The following COL24A1 variants were observed in gnomAD, a reference collection of about 807,000 sequenced individuals.
COL24A1 encodes collagen type XXIV alpha 1 chain.
A neutral mutation model predicts 253.9 loss-of-function variants in COL24A1; 224 were observed. The observed-to-expected ratio is 0.88, with a 90% confidence interval of 0.79 to 0.99. The LOEUF is 0.99. Among genes scored for constraint, COL24A1 ranks in the 50% least tolerant of loss-of-function variants. The pLI, the probability that COL24A1 is intolerant of heterozygous loss-of-function variation, is 0.00. For synonymous variants in COL24A1, 685 were observed against 673.7 expected (o/e 1.02, Z -0.26); for missense variants, 2,131 against 2,068.5 (o/e 1.03, Z -0.59).
intron 14 of COL24A1, chr1:86,030,292 C>T (rs1374641415): frequency 2.6e-5 from 4 of 152,222 alleles, no homozygotes; most frequent in African/African-American, 9.7e-5. Context: ...GAAGACAGGG[C>T]CCTGGGGGTG....
chr1:85,898,657 T>A (rs1683999236), intron 28 of COL24A1, among the ~76,000 whole-genome samples: 2 of 152,328 alleles, frequency 1.3e-5, no homozygotes, highest in African/African-American at 4.8e-5. Context: ...TCAGCAGATG[T>A]ATACCGAGTG....
intron 53 of COL24A1, among the ~76,000 whole-genome samples, chr1:85,772,162 G>A (rs1251257169): frequency 1.3e-5 from 2 of 151,454 alleles, no homozygotes; most frequent in Admixed American, 1.3e-4. Flanking sequence ...GTATTCCATG[G>A]TGTATATGTG....
intron 59 of COL24A1, 114 bp downstream of exon 59, chr1:85,734,635 C>T: frequency 1.1e-6 from 1 of 893,030 alleles, no homozygotes. Context: ...AAACTTACTA[C>T]CCTTCTGTAT....
chr1:85,885,392 T>C (rs1057302286), intron 32 of COL24A1, among the ~76,000 whole-genome samples: 17 of 89,550 alleles, frequency 1.9e-4, no homozygotes, highest in African/African-American at 5.8e-4. Flanking sequence ...TATATATATA[T>C]ATATATTTTT....
At chr1:85,884,767 A>G (rs1436072600) in intron 32 of COL24A1, among the ~76,000 whole-genome samples, 2 of 152,162 alleles carry the variant, frequency 1.3e-5, no homozygotes, top group African/African-American at 4.8e-5. Flanking sequence ...AAGAACTGTT[A>G]AGGAGATCAG....
At chr1:86,102,499 C>A (rs1704557280) in intron 5 of COL24A1, among the ~76,000 whole-genome samples, 1 of 152,036 alleles carries the variant, frequency 6.6e-6, no homozygotes, top group African/African-American at 2.4e-5. Context: ...TGAGATATTT[C>A]TTTTTGATAT....
chr1:85,963,964 GAGAA>G (rs1230596495), intron 23 of COL24A1, among the ~76,000 whole-genome samples: 3 of 151,950 alleles, frequency 2.0e-5, no homozygotes, highest in African/African-American at 4.8e-5. Context: ...TATGTAACTT[GAGAA>G]AGAGTCAGGT....
At chr1:85,927,844 T>C (rs866438064) in intron 24 of COL24A1, among the ~76,000 whole-genome samples, 2,253 of 130,674 alleles carry the variant, frequency 0.017, 130 homozygotes, top group African/African-American at 0.062. Context: ...CATGGCAGGG[T>C]ATTCCAACAG....
chr1:86,123,994 A>T (rs1322444631), intron 3 of COL24A1, among the ~76,000 whole-genome samples: 1 of 152,022 alleles, frequency 6.6e-6, no homozygotes, highest in African/African-American at 2.4e-5. Flanking sequence ...TTGAAAAAAA[A>T]TAATTTCTAA....
intron 19 of COL24A1, among the ~76,000 whole-genome samples, chr1:86,013,249 A>G (rs1164326471): frequency 6.6e-6 from 1 of 152,210 alleles, no homozygotes; most frequent in African/African-American, 2.4e-5. Flanking sequence ...ATAGAAGTAT[A>G]TATGTAGGTC....
chr1:85,973,994 G>A (rs1692421145), intron 20 of COL24A1, among the ~76,000 whole-genome samples: 1 of 152,046 alleles, frequency 6.6e-6, no homozygotes, highest in Non-Finnish European at 1.5e-5. Flanking sequence ...GTTTAAGTGT[G>A]TAACTAAATA....
At chr1:85,805,486 T>C (rs1285110477) in intron 47 of COL24A1, among the ~76,000 whole-genome samples, 1 of 152,138 alleles carries the variant, frequency 6.6e-6, no homozygotes. Context: ...AACTACCTAG[T>C]AAATAGAATA....
At chr1:85,997,055 G>GTGTGTGTGTGTGTATATATATATATA in intron 19 of COL24A1, among the ~76,000 whole-genome samples, 3 of 95,090 alleles carry the variant, frequency 3.2e-5, no homozygotes, top group Non-Finnish European at 7.3e-5. Flanking sequence ...GTGTGTGTGT[G>GTGTGTGTGTGTGTATATATATATATA]TATATATATA....
At chr1:85,833,731 G>A (rs961724328) in intron 43 of COL24A1, among the ~76,000 whole-genome samples, 9 of 152,176 alleles carry the variant, frequency 5.9e-5, no homozygotes, top group Middle Eastern at 3.4e-3. Context: ...GTCCAACAAC[G>A]ATAGACTGGA....
intron 37 of COL24A1, among the ~76,000 whole-genome samples, chr1:85,864,756 T>C (rs944891038): frequency 6.6e-6 from 1 of 152,186 alleles, no homozygotes; most frequent in Admixed American, 6.5e-5. Flanking sequence ...CTTAAACAGA[T>C]AGTAAAAACC....
chr1:85,875,834 C>T (rs967548926), intron 33 of COL24A1, among the ~76,000 whole-genome samples: 1 of 150,212 alleles, frequency 6.7e-6, no homozygotes, highest in Non-Finnish European at 1.5e-5. Context: ...GTTTTCTTTA[C>T]TTTGAGAACA....
intron 47 of COL24A1, among the ~76,000 whole-genome samples, chr1:85,811,274 C>T (rs1287025870): frequency 5.9e-5 from 9 of 152,234 alleles, no homozygotes; most frequent in Middle Eastern, 3.4e-3. Context: ...AATGCTGCTA[C>T]GAACATTGGT....
chr1:85,840,847 A>G (rs764621711), intron 42 of COL24A1, among the ~76,000 whole-genome samples: 3 of 152,110 alleles, frequency 2.0e-5, no homozygotes, highest in Non-Finnish European at 4.4e-5. Flanking sequence ...AAGTATATAG[A>G]TAAGATTTTT....
rs780292314 is a variant in COL24A1 at position 85,895,874 on chromosome 1, CCT to C, written c.2904_2905del (p.Gly969IlefsTer16). 10 of 1,608,398 alleles carry C rather than the reference CCT, an allele frequency of 6.2e-6. No homozygotes were observed. The highest frequency in any genetic ancestry group is 1.7e-5 in the Admixed American group (1 of 59,344). On this transcript the variant is annotated frameshift_variant, in exon 31 of 60. Coordinates refer to ENST00000370571, the MANE Select transcript of COL24A1 (RefSeq NM_152890.7). LOFTEE classifies it high-confidence loss of function. ...ATTACTTACTGGTTTCCCTTGAAAT[CCT>C]CTTTCTCCAGGGTTTCCAGTCTTAC... is the stretch of plus-strand genomic sequence containing the variant.
Sources: gnomAD v4.1 joint callset for allele counts (sites outside exome capture counted in the v4.1 genomes callset) on GRCh38, gnomAD v4.1.1 for gene constraint, MANE v1.5 for transcripts, NCBI Gene and HGNC (gene_info 2026-07-23, HGNC 2026-07-21) for gene names.